The following NEDD9 variants were observed in gnomAD, a reference collection of about 807,000 sequenced individuals.
NEDD9 encodes enhancer of filamentation 1.
A neutral mutation model predicts 76.6 loss-of-function variants in NEDD9; 26 were observed. That is an observed-to-expected ratio of 0.34 (90% CI 0.25 to 0.47). The LOEUF is 0.47. Ranked by LOEUF, NEDD9 falls within the 20% of genes least tolerant of loss-of-function variation. The pLI, the probability that NEDD9 is intolerant of heterozygous loss-of-function variation, is 1.00. For synonymous variants in NEDD9, 392 were observed against 414.2 expected (o/e 0.95, Z 0.65); for missense variants, 937 against 1,058.5 (o/e 0.89, Z 1.59).
chr6:11,206,566 G>A lies in NEDD9; in HGVS notation c.459+6715C>T, dbSNP rs76927050. 1.2e-4 allele frequency among the ~76,000 whole-genome samples: 18 copies of A among 152,300 alleles called. No individual in the cohort carries two copies. The East Asian group carries it at 3.5e-3, about 29-fold the overall frequency. ...GTCTCTTACCTCTTCACTCTGATAAGCACAGTCATTTAGCATGAAATCATT... is the reference window on the plus strand; with the variant it reads ...GTCTCTTACCTCTTCACTCTGATAAACACAGTCATTTAGCATGAAATCATT... On this transcript the variant is annotated intron_variant, in intron 2 of 6. Coordinates refer to ENST00000379446, the MANE Select transcript of NEDD9 (RefSeq NM_006403.4).
intron 2 of NEDD9, among the ~76,000 whole-genome samples, chr6:11,307,498 C>G (rs944744620): frequency 1.3e-5 from 2 of 152,084 alleles, no homozygotes; most frequent in African/African-American, 4.8e-5. Flanking sequence ...GCGTTTCCAG[C>G]GCCCTGTCTG....
At chr6:11,354,802 G>T (rs1222465244) in intron 1 of NEDD9, among the ~76,000 whole-genome samples, 5 of 152,168 alleles carry the variant, frequency 3.3e-5, no homozygotes, top group Admixed American at 2.0e-4. Flanking sequence ...AAGGGTCATA[G>T]CACAAGTCAG....
At position 11,191,300 on chromosome 6, in the gene NEDD9, C is replaced by T. The variant is rs141886359; in HGVS notation, c.664-95G>A. The T allele has an allele frequency of 3.1e-4, 410 of 1,337,618 alleles. 3 individuals are homozygous for T. In the African/African-American group the frequency reaches 5.2e-3, roughly 17 times the overall value. 82.9% of individuals were successfully genotyped at this position (1,337,618 alleles called of 1,614,324 possible). ...TCAGTCCTATTTGCTGGCACTTTTT[C>T]GGTCGCCCTCCCCCGCCCCAATGTT... On this transcript the variant is annotated intron_variant, in intron 4 of 6. Transcript: ENST00000379446.
chr6:11,335,721 T>C (rs2113512755), intron 1 of NEDD9, among the ~76,000 whole-genome samples: 1 of 152,358 alleles, frequency 6.6e-6, no homozygotes, highest in South Asian at 2.1e-4. Context: ...AACAAACTTA[T>C]TTCTCATTGG....
intron 1 of NEDD9, among the ~76,000 whole-genome samples, chr6:11,348,512 C>T (rs576135029): frequency 1.3e-5 from 2 of 152,242 alleles, no homozygotes; most frequent in Admixed American, 1.3e-4. Context: ...GGAGGTAACA[C>T]ACTACCCAAC....
intron 3 of NEDD9, among the ~76,000 whole-genome samples, chr6:11,280,730 C>T (rs180868434): frequency 3.3e-5 from 5 of 152,374 alleles, no homozygotes; most frequent in African/African-American, 9.6e-5. Flanking sequence ...GGGGGCCCCA[C>T]GCTTGGAGCC....
intron 1 of NEDD9, among the ~76,000 whole-genome samples, chr6:11,366,806 C>T (rs915133950): frequency 1.5e-4 from 22 of 150,708 alleles, no homozygotes; most frequent in African/African-American, 4.2e-4. Flanking sequence ...ATGTGAGTTA[C>T]GTCATCTTTC....
At chr6:11,245,200 CT>C (rs1032845531) in intron 3 of NEDD9, among the ~76,000 whole-genome samples, 1 of 152,130 alleles carries the variant, frequency 6.6e-6, no homozygotes, top group African/African-American at 2.4e-5. Flanking sequence ...TTTTCTGTGG[CT>C]GCTATGATGG....
intron 3 of NEDD9, among the ~76,000 whole-genome samples, chr6:11,290,466 GC>G (rs754451723): frequency 1.2e-4 from 19 of 152,290 alleles, no homozygotes; most frequent in Non-Finnish European, 2.2e-4. Flanking sequence ...TCCCTTAGGA[GC>G]CAAGAAGCAT....
chr6:11,299,675 A>G (rs772261737), intron 3 of NEDD9, among the ~76,000 whole-genome samples: 12 of 152,224 alleles, frequency 7.9e-5, no homozygotes, highest in Non-Finnish European at 1.5e-4. Flanking sequence ...TCAGGCAGCA[A>G]TATTTGCTGT....
chr6:11,245,523 T>C (rs562748720), intron 3 of NEDD9, among the ~76,000 whole-genome samples: 7 of 152,188 alleles, frequency 4.6e-5, no homozygotes, highest in Non-Finnish European at 1.0e-4. Context: ...CCCAATATAA[T>C]GCTAGGCACC....
At chr6:11,228,223 C>T (rs193298465) in intron 1 of NEDD9, among the ~76,000 whole-genome samples, 140 of 152,008 alleles carry the variant, frequency 9.2e-4, no homozygotes, top group Admixed American at 3.9e-4. Flanking sequence ...CATAAAAGCA[C>T]GAAAGTGGGA....
At chr6:11,379,184 T>C (rs754302908) in intron 1 of NEDD9, among the ~76,000 whole-genome samples, 18 of 152,234 alleles carry the variant, frequency 1.2e-4, no homozygotes. Flanking sequence ...TTGAGGAGCC[T>C]GCGTTCTAGT....
chr6:11,286,976 C>T (rs1760662559), intron 3 of NEDD9, among the ~76,000 whole-genome samples: 1 of 152,148 alleles, frequency 6.6e-6, no homozygotes, highest in South Asian at 2.1e-4. Context: ...CTTCTCTACT[C>T]AGTACAATCA....
chr6:11,379,426 A>T (rs189906423), intron 1 of NEDD9, among the ~76,000 whole-genome samples: 146 of 152,110 alleles, frequency 9.6e-4, no homozygotes, highest in Middle Eastern at 3.4e-3. Context: ...CATCTCTACT[A>T]AAAACACAAA....
intron 3 of NEDD9, among the ~76,000 whole-genome samples, chr6:11,259,401 G>C (rs1334164771): frequency 6.6e-6 from 1 of 152,200 alleles, no homozygotes; most frequent in Non-Finnish European, 1.5e-5. Context: ...TGTATCCTTG[G>C]AAACAGCAGG....
intron 1 of NEDD9, among the ~76,000 whole-genome samples, chr6:11,228,151 T>G (rs1431700634): frequency 6.6e-6 from 1 of 151,690 alleles, no homozygotes; most frequent in African/African-American, 2.4e-5. Context: ...AAGTCAGTAT[T>G]AAAGAAGCGT....
intron 3 of NEDD9, among the ~76,000 whole-genome samples, chr6:11,239,662 G>C (rs1759669600): frequency 6.6e-6 from 1 of 152,048 alleles, no homozygotes; most frequent in Non-Finnish European, 1.5e-5. Context: ...ACCTCATGAA[G>C]GCTACCCGAC....
intron 1 of NEDD9, among the ~76,000 whole-genome samples, chr6:11,372,409 C>T (rs893456589): frequency 6.6e-6 from 1 of 152,146 alleles, no homozygotes; most frequent in Non-Finnish European, 1.5e-5. Context: ...TGTTGATGGA[C>T]ACTTAGGTTT....
Sources: allele counts gnomAD v4.1 joint callset (sites outside exome capture counted in the v4.1 genomes callset), GRCh38; gene constraint gnomAD v4.1.1; transcripts MANE v1.5; gene names NCBI Gene and HGNC (gene_info 2026-07-23, HGNC 2026-07-21).